AFF1: variants seen among roughly 807,000 people sequenced by gnomAD.
AFF1 encodes AF4/FMR2 family member 1.
Under a neutral mutation model 121.7 loss-of-function variants are expected in AFF1, and 48 were observed. That is an observed-to-expected ratio of 0.39 (90% CI 0.31 to 0.50). The LOEUF is 0.50. Among genes scored for constraint, AFF1 ranks in the 20% least tolerant of loss-of-function variants. The pLI is 0.76. For missense variants in AFF1, 1,523 were observed against 1,511.7 expected, an observed-to-expected ratio of 1.01 and a Z score of -0.12; for synonymous variants, 613 against 563.0, an observed-to-expected ratio of 1.09 and a Z score of -1.26.
chr4:87,040,402 T>C (rs1168523507), intron 2 of AFF1, among the ~76,000 whole-genome samples: 2 of 152,154 alleles, frequency 1.3e-5, no homozygotes, highest in East Asian at 1.9e-4. Flanking sequence ...TATGAGTGGT[T>C]ATAAGTTAGC....
intron 2 of AFF1, among the ~76,000 whole-genome samples, chr4:87,037,335 G>A (rs1424831760): frequency 1.3e-5 from 2 of 152,050 alleles, no homozygotes; most frequent in African/African-American, 4.8e-5. Context: ...GTTTTGAGAT[G>A]GAGTCTTGCT....
chr4:87,037,048 C>G (rs1560561832), intron 2 of AFF1, among the ~76,000 whole-genome samples: 1 of 152,120 alleles, frequency 6.6e-6, no homozygotes, highest in Non-Finnish European at 1.5e-5. Flanking sequence ...TGCTAACAGT[C>G]TAAGACTGAG....
intron 10 of AFF1, among the ~76,000 whole-genome samples, chr4:87,106,227 A>G (rs2149747126): frequency 6.6e-6 from 1 of 152,294 alleles, no homozygotes. Flanking sequence ...TACTAAAAAT[A>G]CAAAAATTAG....
intron 4 of AFF1, chr4:87,048,005 A>G (rs780836117): frequency 2.4e-5 from 5 of 207,254 alleles, no homozygotes; most frequent in Non-Finnish European, 4.0e-5. Flanking sequence ...CACTGGGGTA[A>G]CAATGTGAAC....
chr4:86,949,110 G>A (rs1255585262), intron 2 of AFF1, among the ~76,000 whole-genome samples: 3 of 151,186 alleles, frequency 2.0e-5, no homozygotes, highest in Non-Finnish European at 4.4e-5. Context: ...TTTGACATTC[G>A]GAAAGAATTG....
At chr4:87,064,927 T>A (rs1013410972) in intron 4 of AFF1, among the ~76,000 whole-genome samples, 3 of 150,432 alleles carry the variant, frequency 2.0e-5, no homozygotes, top group African/African-American at 7.3e-5. Context: ...CGGTCCCAGC[T>A]GCTCAGGAGG....
At chr4:87,126,055 G>A (rs1578309253) in intron 13 of AFF1, 44 bp from the exon 14 acceptor site, 1 of 1,576,344 alleles carries the variant, frequency 6.3e-7, no homozygotes, top group Non-Finnish European at 8.7e-7. Flanking sequence ...GCCGCTTGAT[G>A]TGTACTTTGC....
At chr4:87,103,411 A>G (rs2149741138) in intron 8 of AFF1, among the ~76,000 whole-genome samples, 1 of 152,376 alleles carries the variant, frequency 6.6e-6, no homozygotes, top group South Asian at 2.1e-4. Flanking sequence ...TACTTTATGT[A>G]TAAATCCCAA....
intron 2 of AFF1, among the ~76,000 whole-genome samples, chr4:86,958,259 A>C (rs1721899351): frequency 6.6e-6 from 1 of 151,444 alleles, no homozygotes; most frequent in Non-Finnish European, 1.5e-5. Context: ...ATGCCTGGCT[A>C]ATTTTTTGTA....
At chr4:87,093,053 G>C (rs1265264364) in intron 7 of AFF1, among the ~76,000 whole-genome samples, 1 of 152,182 alleles carries the variant, frequency 6.6e-6, no homozygotes, top group Non-Finnish European at 1.5e-5. Context: ...TCATGGTTTA[G>C]AAAGAACCTT....
intron 4 of AFF1, among the ~76,000 whole-genome samples, chr4:87,056,384 TAAC>T (rs1720142051): frequency 6.6e-6 from 1 of 152,184 alleles, no homozygotes; most frequent in Admixed American, 6.5e-5. Flanking sequence ...GAGGTATTCT[TAAC>T]AACCCCACAC....
chr4:86,948,612 A>G (rs1444595879), intron 2 of AFF1, 41 bp downstream of exon 2: 1 of 1,514,292 alleles, frequency 6.6e-7, no homozygotes, highest in African/African-American at 1.4e-5. Context: ...GCTGATATTT[A>G]ATTTTATAAT....
intron 4 of AFF1, among the ~76,000 whole-genome samples, chr4:87,072,115 G>A (rs1188280464): frequency 8.5e-5 from 13 of 152,186 alleles, no homozygotes; most frequent in East Asian, 1.9e-4. Context: ...TGTAATCCCA[G>A]CACTTTGGGA....
At chr4:87,093,897 G>A (rs967464390) in intron 7 of AFF1, among the ~76,000 whole-genome samples, 8 of 152,014 alleles carry the variant, frequency 5.3e-5, no homozygotes, top group East Asian at 1.9e-4. Context: ...GCCTCCACAC[G>A]TAACATTTCC....
intron 11 of AFF1, among the ~76,000 whole-genome samples, chr4:87,109,230 G>A (rs1726228320): frequency 6.6e-6 from 1 of 152,176 alleles, no homozygotes; most frequent in Non-Finnish European, 1.5e-5. Context: ...TTCTGTATTT[G>A]TCTCTGTTTA....
At chr4:87,101,652 A>G (rs993214931) in intron 8 of AFF1, among the ~76,000 whole-genome samples, 1 of 151,922 alleles carries the variant, frequency 6.6e-6, no homozygotes, top group Non-Finnish European at 1.5e-5. Context: ...CTTGTGTGCC[A>G]TTGCCCATCC....
At chr4:86,977,028 C>T (rs1408457487) in intron 2 of AFF1, among the ~76,000 whole-genome samples, 1 of 152,152 alleles carries the variant, frequency 6.6e-6, no homozygotes, top group African/African-American at 2.4e-5. Context: ...CATTTTATTG[C>T]ATGGAAATAA....
At chr4:86,988,646 C>T (rs1724476436) in intron 2 of AFF1, among the ~76,000 whole-genome samples, 1 of 152,148 alleles carries the variant, frequency 6.6e-6, no homozygotes, top group Non-Finnish European at 1.5e-5. Context: ...AATGCTGTCC[C>T]CATCAAGCTA....
intron 2 of AFF1, among the ~76,000 whole-genome samples, chr4:87,031,096 A>T (rs1283262830): frequency 1.3e-5 from 2 of 152,138 alleles, no homozygotes; most frequent in African/African-American, 4.8e-5. Flanking sequence ...GCTCTGAAAG[A>T]TAATTGAGGC....
Sources: gnomAD v4.1 joint callset for allele counts (sites outside exome capture counted in the v4.1 genomes callset) on GRCh38, gnomAD v4.1.1 for gene constraint, MANE v1.5 for transcripts, NCBI Gene and HGNC (gene_info 2026-07-23, HGNC 2026-07-21) for gene names.